Variants in CACNB2 observed in about 807,000 individuals in gnomAD.
The protein encoded by CACNB2 is calcium voltage-gated channel auxiliary subunit beta 2.
A neutral mutation model predicts 73.3 loss-of-function variants in CACNB2; 42 were observed. The observed-to-expected ratio is 0.57, with a 90% CI of 0.45 to 0.74. CACNB2 has a LOEUF of 0.74. CACNB2 is among the 30% of genes least tolerant of loss of function. The pLI is 0.00. For synonymous variants in CACNB2, 348 were observed against 310.3 expected (o/e 1.12, Z -1.28); for missense variants, 940 against 853.0 (o/e 1.10, Z -1.27).
At position 18,202,451 on chromosome 10, in the gene CACNB2, T is replaced by G. The variant is rs554208153; in HGVS notation, c.213+51476T>G. 8.5e-5 allele frequency among the ~76,000 whole-genome samples: 13 copies of G among 152,326 alleles called. No individual in the cohort carries two copies. In the East Asian group the frequency reaches 2.5e-3, roughly 29 times the overall value. On this transcript the variant is annotated intron_variant, in intron 2 of 13. Coordinates refer to ENST00000324631, the MANE Select transcript of CACNB2 (RefSeq NM_201596.3). ...TTATAGGGACCAAACCATGGGATTT[T>G]GGGGTCAAAAATATCCTCGGTGTAA...
intron 3 of CACNB2, among the ~76,000 whole-genome samples, chr10:18,443,716 C>CTTT (rs11412050): frequency 1.3e-4 from 18 of 135,796 alleles, no homozygotes; most frequent in African/African-American, 3.6e-4. Context: ...TCCTACATAC[C>CTTT]TTTTTTTTTT....
chr10:18,178,479 G>A (rs60541638), intron 2 of CACNB2, among the ~76,000 whole-genome samples: 2,256 of 152,140 alleles, frequency 0.015, 54 homozygotes, highest in African/African-American at 0.049. Context: ...TCAGATAGAG[G>A]TCCTGTTCTC....
At chr10:18,361,425 G>T (rs7894616) in intron 2 of CACNB2, among the ~76,000 whole-genome samples, 35,743 of 150,178 alleles carry the variant, frequency 0.24, 4,785 homozygotes, top group East Asian at 0.65. Flanking sequence ...CTTGAATCCA[G>T]GAGGTGGAGG....
intron 2 of CACNB2, among the ~76,000 whole-genome samples, chr10:18,287,482 T>A (rs1474759544): frequency 1.3e-5 from 2 of 152,168 alleles, no homozygotes; most frequent in Non-Finnish European, 2.9e-5. Flanking sequence ...CTAGGGCTGG[T>A]GTAACAAAAG....
At chr10:18,364,385 C>G (rs2042265730) in intron 2 of CACNB2, among the ~76,000 whole-genome samples, 1 of 151,502 alleles carries the variant, frequency 6.6e-6, no homozygotes, top group Non-Finnish European at 1.5e-5. Flanking sequence ...ATTGTAACTT[C>G]CGTCTTCCGG....
chr10:18,386,399 A>ATTTTTTTTTTTTTTTTTTTTTTT (rs10637329), intron 2 of CACNB2, among the ~76,000 whole-genome samples: 1 of 106,526 alleles, frequency 9.4e-6, no homozygotes. Flanking sequence ...TTTATTTATG[A>ATTTTTTTTTTTTTTTTTTTTTTT]TTTTTTTTTT....
chr10:18,447,149 C>T (rs1047528219), intron 3 of CACNB2, among the ~76,000 whole-genome samples: 5 of 151,970 alleles, frequency 3.3e-5, no homozygotes, highest in Non-Finnish European at 7.4e-5. Context: ...ACATGGTGTA[C>T]TACATTTGGA....
chr10:18,520,968 G>A (rs529453977), intron 9 of CACNB2, among the ~76,000 whole-genome samples: 17 of 152,224 alleles, frequency 1.1e-4, no homozygotes, highest in African/African-American at 3.4e-4. Flanking sequence ...ATAATTAGAC[G>A]ATAAACTCCA....
intron 2 of CACNB2, among the ~76,000 whole-genome samples, chr10:18,317,641 A>C (rs962906164): frequency 1.3e-5 from 2 of 152,166 alleles, no homozygotes; most frequent in Non-Finnish European, 2.9e-5. Flanking sequence ...CACCAGCAAC[A>C]GGTGCCTGGG....
At chr10:18,527,464 C>T (rs953659306) in intron 9 of CACNB2, 124 bp from the exon 10 acceptor site, 8 of 715,634 alleles carry the variant, frequency 1.1e-5, no homozygotes, top group Non-Finnish European at 1.8e-5. Flanking sequence ...TATCCTAACA[C>T]ATATGGTTTG....
intron 1 of CACNB2, 117 bp from the exon 2 acceptor site, chr10:18,150,766 T>C (rs532249652): frequency 1.6e-6 from 1 of 640,466 alleles, no homozygotes; most frequent in African/African-American, 1.8e-5. Flanking sequence ...GCTTACATGA[T>C]GGCAATGTAT....
chr10:18,279,794 C>G (rs1020017213), intron 2 of CACNB2, among the ~76,000 whole-genome samples: 4 of 152,112 alleles, frequency 2.6e-5, no homozygotes, highest in Non-Finnish European at 1.5e-5. Context: ...ATTTTCCACC[C>G]GAGAGCTGGG....
intron 3 of CACNB2, among the ~76,000 whole-genome samples, chr10:18,448,493 A>AG (rs2046851645): frequency 6.6e-6 from 1 of 151,182 alleles, no homozygotes; most frequent in Non-Finnish European, 1.5e-5. Flanking sequence ...AAAAAAAAAA[A>AG]AAAAAAAAGA....
At chr10:18,496,534 C>T (rs912739226) in intron 3 of CACNB2, among the ~76,000 whole-genome samples, 15 of 152,218 alleles carry the variant, frequency 9.9e-5, no homozygotes, top group African/African-American at 3.1e-4. Flanking sequence ...TAGGTTAAGC[C>T]GGACGCGGTG....
intron 2 of CACNB2, among the ~76,000 whole-genome samples, chr10:18,388,547 GT>G (rs553263844): frequency 5.9e-5 from 9 of 152,108 alleles, no homozygotes; most frequent in Middle Eastern, 6.8e-3. Context: ...GGTGTAGCCT[GT>G]TTTTTTAATA....
chr10:18,174,124 A>G (rs1163405973), intron 2 of CACNB2, among the ~76,000 whole-genome samples: 2 of 152,122 alleles, frequency 1.3e-5, no homozygotes, highest in Non-Finnish European at 2.9e-5. Flanking sequence ...CCATTGTTTG[A>G]AAGAAGTGAA....
At chr10:18,233,006 G>A (rs535417377) in intron 2 of CACNB2, among the ~76,000 whole-genome samples, 1 of 152,166 alleles carries the variant, frequency 6.6e-6, no homozygotes, top group African/African-American at 2.4e-5. Flanking sequence ...AGGATCTCGA[G>A]CTCAGAAGGT....
chr10:18,190,314 C>T (rs923781967), intron 2 of CACNB2, among the ~76,000 whole-genome samples: 6 of 152,132 alleles, frequency 3.9e-5, no homozygotes, highest in Admixed American at 2.6e-4. Flanking sequence ...GCACAGGGGT[C>T]GCTTCCAGTC....
At chr10:18,366,769 G>A (rs2042372370) in intron 2 of CACNB2, among the ~76,000 whole-genome samples, 2 of 151,054 alleles carry the variant, frequency 1.3e-5, no homozygotes, top group Non-Finnish European at 2.9e-5. Context: ...TCCAGCCTGG[G>A]CAACAAAGCG....
Sources: allele counts gnomAD v4.1 joint callset (sites outside exome capture counted in the v4.1 genomes callset), GRCh38; gene constraint gnomAD v4.1.1; transcripts MANE v1.5; gene names NCBI Gene and HGNC (gene_info 2026-07-23, HGNC 2026-07-21).